GALNT3: variants seen among roughly 807,000 people sequenced by gnomAD.
GALNT3 encodes polypeptide N-acetylgalactosaminyltransferase 3, also known as GalNAc transferase 3.
In GALNT3, 51 loss-of-function variants were observed where a neutral mutation model predicts 69.8. The ratio of observed to expected loss-of-function variants is 0.73; its 90% confidence interval spans 0.58 to 0.92. The LOEUF is 0.92. GALNT3 is among the 40% of genes least tolerant of loss of function. GALNT3 has a pLI of 0.00. For missense variants in GALNT3, 711 were observed against 760.0 expected, an observed-to-expected ratio of 0.94 and a Z score of 0.76; for synonymous variants, 265 against 248.5, an observed-to-expected ratio of 1.07 and a Z score of -0.63.
At chr2:165,787,388 G>A (rs1683246749) in intron 1 of GALNT3, among the ~76,000 whole-genome samples, 1 of 152,226 alleles carries the variant, frequency 6.6e-6, no homozygotes, top group Admixed American at 6.5e-5. Flanking sequence ...ATCATGCCAG[G>A]CCTTTGGGCA....
At chr2:165,759,876 C>T (rs1294309495) in intron 4 of GALNT3, among the ~76,000 whole-genome samples, 2 of 152,094 alleles carry the variant, frequency 1.3e-5, no homozygotes, top group Non-Finnish European at 2.9e-5. Context: ...CATCTAAGAT[C>T]TACTCTTAGC....
At chr2:165,784,599 G>C (rs1683181179) in intron 1 of GALNT3, among the ~76,000 whole-genome samples, 2 of 152,092 alleles carry the variant, frequency 1.3e-5, no homozygotes, top group Admixed American at 1.3e-4. Context: ...TACTCGGGAG[G>C]CTGAGGCAAG....
intron 1 of GALNT3, among the ~76,000 whole-genome samples, chr2:165,780,876 G>A (rs747880447): frequency 1.3e-5 from 2 of 151,962 alleles, no homozygotes; most frequent in South Asian, 2.1e-4. Flanking sequence ...GTTGTACATC[G>A]CTAACCTTAT....
intron 10 of GALNT3, 127 bp downstream of exon 10, chr2:165,749,615 C>G (rs1688320124): frequency 1.1e-6 from 1 of 880,658 alleles, no homozygotes; most frequent in Admixed American, 1.8e-5. Context: ...CACATAATAA[C>G]AAAGTTAATA....
chr2:165,754,806 A>G, intron 8 of GALNT3, 78 bp from the exon 9 acceptor site: 1 of 1,356,306 alleles, frequency 7.4e-7, no homozygotes, highest in Non-Finnish European at 1.0e-6. Context: ...TTAGAAAGTA[A>G]TGTTAATGAT....
chr2:165,772,575 ACT>A (rs1436953778), intron 1 of GALNT3, among the ~76,000 whole-genome samples: 5 of 103,956 alleles, frequency 4.8e-5, no homozygotes, highest in Admixed American at 4.6e-4. Context: ...GCAGGACAAG[ACT>A]CTGTCTCAAA....
intron 4 of GALNT3, among the ~76,000 whole-genome samples, chr2:165,760,512 T>A (rs544038368): frequency 6.6e-6 from 1 of 152,208 alleles, no homozygotes; most frequent in Non-Finnish European, 1.5e-5. Context: ...ATCCACCCAG[T>A]GGGTAGTGGG....
intron 7 of GALNT3, 24 bp from the exon 8 acceptor site, chr2:165,755,087 G>T (rs1688423640): frequency 1.9e-6 from 3 of 1,598,280 alleles, no homozygotes; most frequent in Non-Finnish European, 2.6e-6. Context: ...AGAAATGAAG[G>T]GAATGCTTAA....
intron 1 of GALNT3, among the ~76,000 whole-genome samples, chr2:165,781,788 G>C (rs1323788840): frequency 1.3e-5 from 2 of 152,212 alleles, no homozygotes; most frequent in African/African-American, 4.8e-5. Context: ...GGATCAGTGT[G>C]ATGACTTGTG....
chr2:165,782,756 A>G (rs1683139425), intron 1 of GALNT3, among the ~76,000 whole-genome samples: 1 of 152,188 alleles, frequency 6.6e-6, no homozygotes, highest in Non-Finnish European at 1.5e-5. Flanking sequence ...TTTTCCCCAA[A>G]GCATAGTCTC....
At chr2:165,781,664 T>C (rs925266642) in intron 1 of GALNT3, among the ~76,000 whole-genome samples, 1 of 152,050 alleles carries the variant, frequency 6.6e-6, no homozygotes, top group Non-Finnish European at 1.5e-5. Context: ...TTTTGCTGAA[T>C]TTTTGTGGGG....
At chr2:165,783,415 G>A (rs563229801) in intron 1 of GALNT3, among the ~76,000 whole-genome samples, 7 of 152,082 alleles carry the variant, frequency 4.6e-5, no homozygotes, top group African/African-American at 1.7e-4. Flanking sequence ...TAAGGAATAG[G>A]GGGTGAAGGA....
intron 8 of GALNT3, 38 bp downstream of exon 8, chr2:165,754,894 G>T (rs1558994713): frequency 4.4e-6 from 7 of 1,606,788 alleles, no homozygotes; most frequent in Non-Finnish European, 6.0e-6. Context: ...TGGTGGCAAG[G>T]AGTATATTAA....
chr2:165,767,280 A>G, intron 2 of GALNT3, among the ~76,000 whole-genome samples: 1 of 151,864 alleles, frequency 6.6e-6, no homozygotes, highest in East Asian at 1.9e-4. Flanking sequence ...AAAAAAAAAG[A>G]GGAAACCTAT....
Position 165,748,725 on chromosome 2 carries a change from A to T in GALNT3, c.*56T>A. 2.7e-6 allele frequency: 4 copies of T among 1,499,836 alleles called. No homozygotes were observed. Among genetic ancestry groups the T allele is most frequent in the Non-Finnish European group, 3.7e-6 (4 of 1,092,708 alleles). 92.9% of individuals were successfully genotyped at this position (1,499,836 alleles called of 1,614,324 possible). ...TTTTCAAAAACTACAGTGTATGCCTAGTCACAGTTTTATGAGAAAGAATAT... is the reference window on the plus strand; with the variant it reads ...TTTTCAAAAACTACAGTGTATGCCTTGTCACAGTTTTATGAGAAAGAATAT... On this transcript the variant is annotated 3_prime_UTR_variant, in exon 11 of 11. Coordinates refer to ENST00000392701, the MANE Select transcript of GALNT3 (RefSeq NM_004482.4).
chr2:165,780,083 C>T (rs928515763), intron 1 of GALNT3, among the ~76,000 whole-genome samples: 1 of 152,172 alleles, frequency 6.6e-6, no homozygotes, highest in Non-Finnish European at 1.5e-5. Flanking sequence ...TCAGCAGCAG[C>T]GCTATCCCAG....
intron 4 of GALNT3, 130 bp downstream of exon 4, chr2:165,761,775 A>T: frequency 1.0e-6 from 1 of 985,246 alleles, no homozygotes; most frequent in Non-Finnish European, 1.6e-6. Flanking sequence ...TCATTGCTAT[A>T]ATCGCCAGTT....
intron 1 of GALNT3, among the ~76,000 whole-genome samples, chr2:165,780,427 T>A (rs1683077763): frequency 6.6e-6 from 1 of 152,168 alleles, no homozygotes; most frequent in South Asian, 2.1e-4. Flanking sequence ...CAACTACCCA[T>A]CGATGACCAA....
chr2:165,762,943 GC>G lies in GALNT3; in HGVS notation c.689-890del, dbSNP rs533377990. Among the ~76,000 whole-genome samples the G allele has an allele frequency of 4.0e-4, 59 of 148,900 alleles. 1 individual carries two copies. The South Asian group carries it at 5.2e-3, about 13-fold the overall frequency. On this transcript the variant is annotated intron_variant, in intron 3 of 10. Coordinates refer to ENST00000392701, the MANE Select transcript of GALNT3 (RefSeq NM_004482.4). ...TGGGACCACAGGCATGCTCCAACAGGCCCAGCTAATTTTTCTTTTCTTTTCT... is the reference window on the plus strand; with the variant it reads ...TGGGACCACAGGCATGCTCCAACAGGCCAGCTAATTTTTCTTTTCTTTTCT...
Sources: gnomAD v4.1 joint callset for allele counts (sites outside exome capture counted in the v4.1 genomes callset) on GRCh38, gnomAD v4.1.1 for gene constraint, MANE v1.5 for transcripts, NCBI Gene and HGNC (gene_info 2026-07-23, HGNC 2026-07-21) for gene names.